The following RPA3 variants were observed in gnomAD, a reference collection of about 807,000 sequenced individuals.
RPA3 encodes the protein replication protein A3.
A neutral mutation model predicts 13.7 loss-of-function variants in RPA3; 24 were observed. The observed-to-expected ratio is 1.75, with a 90% CI of 1.27 to 2.46. RPA3 has a LOEUF of 2.46. Ranked by LOEUF, RPA3 falls within the 30% of genes most tolerant of loss-of-function variation. The pLI is 0.00. For missense variants in RPA3, 183 were observed against 151.0 expected (o/e 1.21, Z -1.11); for synonymous variants, 59 against 51.2 (o/e 1.15, Z -0.65).
intron 4 of RPA3, among the ~76,000 whole-genome samples, chr7:7,643,481 C>T (rs1012716459): frequency 1.3e-5 from 2 of 152,294 alleles, no homozygotes; most frequent in South Asian, 2.1e-4. Flanking sequence ...GAGGCTGAAG[C>T]GGGTGGATCA....
At chr7:7,685,483 A>C (rs1278596515) in intron 4 of RPA3, among the ~76,000 whole-genome samples, 1 of 151,896 alleles carries the variant, frequency 6.6e-6, no homozygotes, top group Non-Finnish European at 1.5e-5. Context: ...CAAGTTTTGT[A>C]TTTTTAGTAG....
At chr7:7,666,357 C>G (rs1779456481) in intron 4 of RPA3, among the ~76,000 whole-genome samples, 1 of 152,068 alleles carries the variant, frequency 6.6e-6, no homozygotes, top group African/African-American at 2.4e-5. Context: ...GCACACGCCA[C>G]CACACCTGGC....
Position 7,652,252 on chromosome 7 carries a change from C to A in RPA3, c.-757-11077G>T, listed in dbSNP as rs577297660. The stretch of plus-strand genomic sequence containing the variant: ...TTATTCATTCCTTTGATAGGATTTC[C>A]GAGTAAAGCAGTATACTCTTGGTCG... On this transcript the variant is annotated intron_variant, in intron 4 of 7. Transcript: ENST00000223129. Among the ~76,000 whole-genome samples, 11 of 152,226 alleles carry A rather than the reference C, an allele frequency of 7.2e-5. No individual in the cohort carries two copies. In the South Asian group the frequency reaches 2.3e-3, roughly 32 times the overall value.
chr7:7,709,990 G>A (rs950065345), intron 2 of RPA3, among the ~76,000 whole-genome samples: 1 of 151,970 alleles, frequency 6.6e-6, no homozygotes, highest in African/African-American at 2.4e-5. Context: ...TTTTTCATAT[G>A]TGTAGTTTTG....
chr7:7,681,716 A>G (rs1017184198), intron 4 of RPA3, among the ~76,000 whole-genome samples: 3 of 152,150 alleles, frequency 2.0e-5, no homozygotes, highest in Non-Finnish European at 4.4e-5. Context: ...CTATTTAAAA[A>G]TCCAGCAAGC....
chr7:7,701,532 G>A (rs2115154673), intron 2 of RPA3, among the ~76,000 whole-genome samples: 1 of 152,272 alleles, frequency 6.6e-6, no homozygotes, highest in Non-Finnish European at 1.5e-5. Context: ...GTGAAGATGA[G>A]AGATGTATGA....
intron 4 of RPA3, among the ~76,000 whole-genome samples, chr7:7,651,392 A>G (rs1024370306): frequency 6.6e-6 from 1 of 152,096 alleles, no homozygotes; most frequent in Non-Finnish European, 1.5e-5. Flanking sequence ...AAAAGGCAAC[A>G]TTTGGGTATG....
At chr7:7,701,636 T>G (rs1780465469) in intron 2 of RPA3, among the ~76,000 whole-genome samples, 1 of 152,152 alleles carries the variant, frequency 6.6e-6, no homozygotes, top group South Asian at 2.1e-4. Flanking sequence ...GCTTATAAGG[T>G]CCTATATTTC....
intron 2 of RPA3, among the ~76,000 whole-genome samples, chr7:7,710,441 A>G (rs963418146): frequency 8.5e-5 from 13 of 152,212 alleles, no homozygotes; most frequent in Admixed American, 1.3e-4. Context: ...AAGAGGATAT[A>G]CATATGGCAA....
chr7:7,664,241 T>C (rs558553351), intron 4 of RPA3, among the ~76,000 whole-genome samples: 3 of 152,290 alleles, frequency 2.0e-5, no homozygotes, highest in South Asian at 4.1e-4. Flanking sequence ...CACTTTTCCA[T>C]ATCATTTCTG....
Position 7,646,211 on chromosome 7 carries a change from G to A in RPA3, c.-757-5036C>T, listed in dbSNP as rs1049919052. Among the ~76,000 whole-genome samples, 25 of 152,278 alleles carry A rather than the reference G, an allele frequency of 1.6e-4. 1 individual carries two copies. Among genetic ancestry groups the A allele is most frequent in the African/African-American group, 5.5e-4 (23 of 41,566 alleles). On this transcript the variant is annotated intron_variant, in intron 4 of 7. Transcript: ENST00000223129. ...CTGAATTCTTGTCTAGCATCGAGGA[G>A]GAATCAGGTTACATGGGCTTGAAAG...
intron 4 of RPA3, among the ~76,000 whole-genome samples, chr7:7,681,249 AT>A (rs967682591): frequency 6.6e-6 from 1 of 152,156 alleles, no homozygotes; most frequent in African/African-American, 2.4e-5. Context: ...CCACTTGAGA[AT>A]ACCTTTTCCC....
intron 4 of RPA3, among the ~76,000 whole-genome samples, chr7:7,666,548 T>TA (rs1779462447): frequency 1.3e-5 from 2 of 152,246 alleles, no homozygotes; most frequent in Admixed American, 6.5e-5. Flanking sequence ...AATAGGTATA[T>TA]AATGGTATCT....
intron 2 of RPA3, among the ~76,000 whole-genome samples, chr7:7,695,332 T>C (rs549622527): frequency 2.6e-5 from 4 of 152,320 alleles, no homozygotes; most frequent in Admixed American, 1.3e-4. Flanking sequence ...AACTTTAAGA[T>C]TTCATTTGTA....
chr7:7,637,266 C>A (rs912131041), intron 7 of RPA3, among the ~76,000 whole-genome samples, 184 bp from the exon 8 acceptor site: 2 of 152,006 alleles, frequency 1.3e-5, no homozygotes, highest in Non-Finnish European at 2.9e-5. Context: ...ATGGGAGTAC[C>A]ATCCATTTTG....
chr7:7,693,913 G>A (rs1026957231), intron 2 of RPA3, among the ~76,000 whole-genome samples: 1 of 151,962 alleles, frequency 6.6e-6, no homozygotes, highest in South Asian at 2.1e-4. Context: ...TCTTAAAATG[G>A]CAATTATTAA....
At chr7:7,705,504 C>G (rs969509271) in intron 2 of RPA3, among the ~76,000 whole-genome samples, 3 of 152,152 alleles carry the variant, frequency 2.0e-5, no homozygotes, top group African/African-American at 7.2e-5. Flanking sequence ...TGTGTTATTA[C>G]AAAATGCTTA....
chr7:7,716,622 C>G (rs191356786), intron 1 of RPA3, among the ~76,000 whole-genome samples: 149 of 152,338 alleles, frequency 9.8e-4, no homozygotes, highest in Non-Finnish European at 1.7e-3. Context: ...GGCCAGGTAG[C>G]AAACCCATCT....
Position 7,684,201 on chromosome 7 carries a change from A to T in RPA3, c.-758+1629T>A, listed in dbSNP as rs545810070. On this transcript the variant is annotated intron_variant, in intron 4 of 7. Transcript: ENST00000223129. ...AGAAGCCTGTACATGTTTAGCACAG[A>T]TGCAATTTTTTTTTTTTTTGAGACA... 3.9e-5 allele frequency among the ~76,000 whole-genome samples: 6 copies of T among 151,980 alleles called. No homozygotes were observed. In the South Asian group the frequency reaches 8.3e-4, roughly 21 times the overall value.
Sources: allele counts gnomAD v4.1 joint callset (sites outside exome capture counted in the v4.1 genomes callset), GRCh38; gene constraint gnomAD v4.1.1; transcripts MANE v1.5; gene names NCBI Gene and HGNC (gene_info 2026-07-23, HGNC 2026-07-21).